The following DNTT variants were observed in gnomAD, a reference collection of about 807,000 sequenced individuals.
DNTT encodes nucleosidetriphosphate:DNA deoxynucleotidylexotransferase.
DNTT carries 47 observed loss-of-function variants against 60.9 expected under a neutral mutation model. The observed-to-expected ratio is 0.77, with a 90% confidence interval of 0.61 to 0.98. DNTT has a LOEUF of 0.98. Ranked by LOEUF, DNTT falls within the 50% of genes least tolerant of loss-of-function variation. The pLI, the probability that DNTT is intolerant of heterozygous loss-of-function variation, is 0.00. For missense variants in DNTT, 665 were observed against 627.5 expected (o/e 1.06, Z -0.64); for synonymous variants, 224 against 221.2 (o/e 1.01, Z -0.11).
intron 7 of DNTT, 35 bp downstream of exon 7, chr10:96,327,635 G>T (rs779168403): frequency 1.3e-6 from 2 of 1,590,442 alleles, no homozygotes; most frequent in Non-Finnish European, 1.7e-6. Flanking sequence ...TCCTCTGCCC[G>T]AATACTTCAG....
intron 6 of DNTT, among the ~76,000 whole-genome samples, chr10:96,325,595 G>A (rs1844930610): frequency 6.6e-6 from 1 of 152,148 alleles, no homozygotes; most frequent in African/African-American, 2.4e-5. Flanking sequence ...TGTTCTTCCT[G>A]TTGAGCTTTT....
In DNTT at chr10:96,319,312, A is replaced by G; in HGVS notation, c.429A>G (p.Pro143=). The G allele has an allele frequency of 6.2e-7, 1 of 1,613,898 alleles. No homozygotes were observed. Among genetic ancestry groups the G allele is most frequent in the Non-Finnish European group, 8.5e-7 (1 of 1,179,808 alleles). The part of the protein sequence containing the change: ...DSTNPGPPKT[P]PIAVQKISQY... Reference sequence around the variant, plus strand: ...CCAACCCAGGCCCCCCGAAGACTCCACCAATTGCTGTACAAAAGATCTCCC... The same window carrying G: ...CCAACCCAGGCCCCCCGAAGACTCCGCCAATTGCTGTACAAAAGATCTCCC... The change falls in exon 3 of 11, where the codon CCA becomes CCG. Residue 143 remains proline (P), a synonymous_variant. Transcript: ENST00000371174.
At chr10:96,305,540 G>T (rs1844623790) in intron 1 of DNTT, among the ~76,000 whole-genome samples, 1 of 152,224 alleles carries the variant, frequency 6.6e-6, no homozygotes, top group African/African-American at 2.4e-5. Flanking sequence ...GGATTAAACT[G>T]TTAAGGGGCT....
Position 96,319,323 on chromosome 10 carries a change from T to C in DNTT, c.440T>C (p.Val147Ala), listed in dbSNP as rs775658132. ...CCCCCGAAGACTCCACCAATTGCTGTACAAAAGATCTCCCAGTATGCGTGT... is the reference window on the plus strand; with the variant it reads ...CCCCCGAAGACTCCACCAATTGCTGCACAAAAGATCTCCCAGTATGCGTGT... ...PGPPKTPPIAVQKISQYACQR... is the reference protein window; with the variant it reads ...PGPPKTPPIAAQKISQYACQR... The change falls in exon 3 of 11, where the codon GTA (valine) becomes GCA (alanine). Residue 147 changes from valine to alanine, a missense_variant. Coordinates refer to ENST00000371174, the MANE Select transcript of DNTT (RefSeq NM_004088.4). 5.6e-6 allele frequency: 9 copies of C among 1,613,900 alleles called. No homozygotes were observed. The South Asian group carries it at 9.9e-5, about 18-fold the overall frequency.
chr10:96,324,443 G>A (rs1844916994), intron 6 of DNTT, 54 bp downstream of exon 6: 2 of 1,604,020 alleles, frequency 1.2e-6, no homozygotes, highest in African/African-American at 1.3e-5. Context: ...GGGTCGTGGT[G>A]GAGCTCTAAG....
rs1219491392 is a variant in DNTT, at chr10:96,328,718, A to T, written c.1008-7A>T. On this transcript the variant is annotated splice_region_variant and splice_polypyrimidine_tract_variant and intron_variant, in intron 7 of 10. Transcript: ENST00000371174. ...GATTTCCATTTTATACTGCTTTTGA[A>T]AATTAGGGGTAAGAAGATGGGGCAT... The T allele has an allele frequency of 6.2e-7, 1 of 1,608,766 alleles. No individual in the cohort carries two copies. Among genetic ancestry groups the T allele is most frequent in the African/African-American group, 1.3e-5 (1 of 74,690 alleles).
At chr10:96,308,090 T>C (rs532592778) in intron 1 of DNTT, among the ~76,000 whole-genome samples, 1 of 152,258 alleles carries the variant, frequency 6.6e-6, no homozygotes, top group South Asian at 2.1e-4. Context: ...AAAGCTGTTT[T>C]TTCAGCTGAT....
chr10:96,324,691 G>A (rs965321826), intron 6 of DNTT, among the ~76,000 whole-genome samples: 3 of 152,194 alleles, frequency 2.0e-5, no homozygotes, highest in Admixed American at 6.5e-5. Context: ...CAGAGCAAAG[G>A]CGCCCTCCAC....
chr10:96,309,893 A>G (rs1289018145), intron 1 of DNTT, among the ~76,000 whole-genome samples: 1 of 152,248 alleles, frequency 6.6e-6, no homozygotes, highest in Non-Finnish European at 1.5e-5. Flanking sequence ...GAAAGTTGCA[A>G]TGATAAATCC....
chr10:96,306,092 A>ATTTTTTTT (rs66877330), intron 1 of DNTT, among the ~76,000 whole-genome samples: 8 of 131,484 alleles, frequency 6.1e-5, no homozygotes, highest in African/African-American at 2.2e-4. Flanking sequence ...AAAAAAATAG[A>ATTTTTTTT]TTTTTTTTTT....
intron 8 of DNTT, among the ~76,000 whole-genome samples, chr10:96,331,496 G>T (rs1252414458): frequency 6.6e-6 from 1 of 152,156 alleles, no homozygotes; most frequent in Non-Finnish European, 1.5e-5. Context: ...AGGTCACAGG[G>T]TGAGAGAGAA....
chr10:96,321,709 T>G (rs562678834), intron 4 of DNTT, among the ~76,000 whole-genome samples: 13 of 152,186 alleles, frequency 8.5e-5, no homozygotes, highest in Middle Eastern at 3.4e-3. Context: ...TGCAACCAAT[T>G]ATCATTTTAG....
rs1844858693 is a variant in DNTT at position 96,320,709 on chromosome 10, C to G, written c.599C>G (p.Ser200Cys). Residue 200 changes from serine (S) to cysteine (C), a missense_variant, in exon 4 of 11, where the codon TCT (serine) becomes TGT (cysteine). Ser to Cys is a moderately radical substitution (Grantham distance 112). Coordinates refer to ENST00000371174, the MANE Select transcript of DNTT (RefSeq NM_004088.4). ...ATGAGAGCAGCTTCTGTATTGAAAT[C>G]TCTGCCATTCACAATCATCAGTATG... Reference protein sequence around the residue: ...TFMRAASVLKSLPFTIISMKD... With the variant: ...TFMRAASVLKCLPFTIISMKD... The G allele has an allele frequency of 6.2e-7, 1 of 1,613,860 alleles. No individual in the cohort carries two copies. The highest frequency in any genetic ancestry group is 8.5e-7 in the Non-Finnish European group (1 of 1,179,812).
At position 96,321,694 on chromosome 10, in the gene DNTT, C is replaced by T. The variant is rs541685651; in HGVS notation, c.678+906C>T. Among the ~76,000 whole-genome samples, 23 of 152,268 alleles carry T rather than the reference C, an allele frequency of 1.5e-4. No homozygotes were observed. In the East Asian group the frequency reaches 4.1e-3, roughly 27 times the overall value. ...ATCACGGAATTGCCTCTCTCTAGCA[C>T]TGGCTGCAACCAATTATCATTTTAG... On this transcript the variant is annotated intron_variant, in intron 4 of 10. Coordinates refer to ENST00000371174, the MANE Select transcript of DNTT (RefSeq NM_004088.4).
chr10:96,338,107 T>C (rs752340907), intron 10 of DNTT, 31 bp from the exon 11 acceptor site: 1 of 1,589,796 alleles, frequency 6.3e-7, no homozygotes, highest in Non-Finnish European at 8.6e-7. Flanking sequence ...GAAAAATATC[T>C]GAATGCACAT....
At chr10:96,336,958 A>AAAG (rs1845080794) in intron 10 of DNTT, among the ~76,000 whole-genome samples, 1 of 151,054 alleles carries the variant, frequency 6.6e-6, no homozygotes, top group East Asian at 1.9e-4. Flanking sequence ...AAAAAAAAAA[A>AAAG]GTAATGATCA....
At chr10:96,307,705 G>GTGTATATATATATATATATATA (rs1354977619) in intron 1 of DNTT, among the ~76,000 whole-genome samples, 1 of 52,882 alleles carries the variant, frequency 1.9e-5, no homozygotes, top group Non-Finnish European at 3.5e-5. Flanking sequence ...GTGTGTGTGT[G>GTGTATATATATATATATATATA]TATATATATA....
intron 1 of DNTT, among the ~76,000 whole-genome samples, chr10:96,314,484 C>T (rs1346485586): frequency 3.0e-5 from 4 of 134,458 alleles, no homozygotes; most frequent in Non-Finnish European, 3.1e-5. Flanking sequence ...ACAATCTCAA[C>T]TCACTGCAAC....
At chr10:96,333,012 A>G (rs1350554059) in intron 9 of DNTT, among the ~76,000 whole-genome samples, 1 of 152,214 alleles carries the variant, frequency 6.6e-6, no homozygotes, top group Non-Finnish European at 1.5e-5. Context: ...ATAGGAAACA[A>G]TTAATAAAGT....
Sources: allele counts gnomAD v4.1 joint callset (sites outside exome capture counted in the v4.1 genomes callset), GRCh38; gene constraint gnomAD v4.1.1; transcripts MANE v1.5; gene names NCBI Gene and HGNC (gene_info 2026-07-23, HGNC 2026-07-21).